The following CEP89 variants were observed in gnomAD, a reference collection of about 807,000 sequenced individuals.
CEP89 encodes centrosomal protein 89.
A neutral mutation model predicts 97.6 loss-of-function variants in CEP89; 95 were observed. The ratio of observed to expected loss-of-function variants is 0.97; its 90% CI spans 0.82 to 1.15. The LOEUF is 1.15. CEP89 is among the 50% of genes most tolerant of loss of function. The probability of loss-of-function intolerance (pLI) is 0.00; values close to 1 mark genes in which losing one functional copy is unlikely to be tolerated. For missense variants in CEP89, 869 were observed against 947.7 expected, an observed-to-expected ratio of 0.92 and a Z score of 1.09; for synonymous variants, 354 against 349.1, an observed-to-expected ratio of 1.01 and a Z score of -0.16.
chr19:32,937,525 A>G (rs930250075), intron 7 of CEP89, 106 bp downstream of exon 7: 8 of 960,688 alleles, frequency 8.3e-6, no homozygotes, highest in Non-Finnish European at 1.3e-5. Flanking sequence ...AAGTTCAACA[A>G]CTAATACAAG....
Position 32,936,175 on chromosome 19 carries a change from G to C in CEP89, c.667+1456C>G, listed in dbSNP as rs931256246. ...CTCCCTGCTCCTGGTGCCTGCTCCA[G>C]TCTTGCAGCAGGGTTGGAGCGGGGT... On this transcript the variant is annotated intron_variant, in intron 7 of 18. Transcript: ENST00000305768. The surrounding 1 kb of genome is among the most constrained non-coding windows in gnomAD (Gnocchi z 4.5). Among the ~76,000 whole-genome samples, 2 of 152,192 alleles carry C rather than the reference G, an allele frequency of 1.3e-5. No individual in the cohort carries two copies. Among genetic ancestry groups the C allele is most frequent in the Admixed American group, 1.3e-4 (2 of 15,284 alleles).
intron 2 of CEP89, among the ~76,000 whole-genome samples, chr19:32,963,081 C>T (rs1238319338): frequency 2.6e-5 from 4 of 152,052 alleles, no homozygotes; most frequent in East Asian, 3.9e-4. Context: ...TAAGACCAGG[C>T]GCGGTAGCTC....
chr19:32,917,544 C>T (rs1010586660), intron 13 of CEP89, among the ~76,000 whole-genome samples: 3 of 152,202 alleles, frequency 2.0e-5, no homozygotes, highest in African/African-American at 7.2e-5. Context: ...TGTGTTTCAG[C>T]TTCCCAGCCT....
At chr19:32,971,323 CG>C (rs1269363805) in intron 1 of CEP89, 1 of 417,596 alleles carries the variant, frequency 2.4e-6, no homozygotes, top group East Asian at 3.4e-5. Context: ...ACTCCGGGCA[CG>C]GGGACGAATG....
At chr19:32,930,707 C>T (rs1012340888) in intron 9 of CEP89, among the ~76,000 whole-genome samples, 2 of 152,226 alleles carry the variant, frequency 1.3e-5, no homozygotes, top group Admixed American at 6.5e-5. Flanking sequence ...GCACTCCTCC[C>T]GGCATCTCAT....
At chr19:32,911,983 T>A (rs7250988) in intron 14 of CEP89, among the ~76,000 whole-genome samples, 46,964 of 151,934 alleles carry the variant, frequency 0.31, 7,660 homozygotes, top group Admixed American at 0.41. Context: ...TCCCAGCACT[T>A]TGGGAGGCCT....
rs887446186 is a variant in CEP89, at chr19:32,953,874, T to C, written c.306-73A>G. On this transcript the variant is annotated intron_variant, in intron 3 of 18. Coordinates refer to ENST00000305768, the MANE Select transcript of CEP89 (RefSeq NM_032816.5). Reference sequence around the variant, plus strand: ...CTTGACACTGATAAATATCTTTTTTTTTTTTTTTTTTTGAGGTAGAGTCTT... The same window carrying C: ...CTTGACACTGATAAATATCTTTTTTCTTTTTTTTTTTTGAGGTAGAGTCTT... 9.0e-6 allele frequency: 10 copies of C among 1,115,510 alleles called. No individual in the cohort carries two copies. In the Admixed American group the frequency reaches 2.3e-4, roughly 25 times the overall value. 69.1% of individuals were successfully genotyped at this position (1,115,510 alleles called of 1,614,324 possible). A position where few individuals can be genotyped will look rare whatever the true frequency, so the allele number is the denominator to read the frequency against.
At chr19:32,930,425 A>C (rs1970447367) in intron 9 of CEP89, among the ~76,000 whole-genome samples, 1 of 152,162 alleles carries the variant, frequency 6.6e-6, no homozygotes, top group Non-Finnish European at 1.5e-5. Context: ...GTACACTTTT[A>C]AAATGGGTAT....
intron 14 of CEP89, among the ~76,000 whole-genome samples, chr19:32,911,560 G>A (rs1416799517): frequency 2.3e-4 from 35 of 152,234 alleles, no homozygotes; most frequent in Non-Finnish European, 4.4e-5. Flanking sequence ...GGCTGAAGCG[G>A]AGGATAGCTT....
At chr19:32,937,110 C>A in intron 7 of CEP89, 1 of 153,902 alleles carries the variant, frequency 6.5e-6, no homozygotes. Flanking sequence ...GATCTTGTAA[C>A]AATGTGGGAC....
At chr19:32,895,561 T>C (rs1220759000) in intron 16 of CEP89, among the ~76,000 whole-genome samples, 1 of 152,062 alleles carries the variant, frequency 6.6e-6, no homozygotes, top group Admixed American at 6.6e-5. Context: ...CTGAAACTAG[T>C]TAAGGATGAC....
At chr19:32,900,400 C>T (rs909228694) in intron 15 of CEP89, among the ~76,000 whole-genome samples, 1 of 151,820 alleles carries the variant, frequency 6.6e-6, no homozygotes, top group Non-Finnish European at 1.5e-5. Context: ...CATGCGCCAC[C>T]ACACGCAGCT....
chr19:32,899,805 A>C, intron 16 of CEP89, 52 bp downstream of exon 16: 1 of 1,529,308 alleles, frequency 6.5e-7, no homozygotes, highest in African/African-American at 1.4e-5. Context: ...TCTTAAAATC[A>C]CATTTGCATA....
At chr19:32,892,202 C>CAT (rs71336973) in intron 16 of CEP89, among the ~76,000 whole-genome samples, 4,183 of 114,214 alleles carry the variant, frequency 0.037, 147 homozygotes, top group East Asian at 0.095. Flanking sequence ...TATATTTAGA[C>CAT]ATATATATAT....
chr19:32,946,762 G>T (rs895164743), intron 5 of CEP89, among the ~76,000 whole-genome samples: 3 of 152,054 alleles, frequency 2.0e-5, no homozygotes, highest in African/African-American at 4.8e-5. Flanking sequence ...ATTCTCTCTT[G>T]TCTGCTTCCA....
intron 17 of CEP89, among the ~76,000 whole-genome samples, chr19:32,884,144 A>G (rs1969344709): frequency 6.6e-6 from 1 of 152,056 alleles, no homozygotes; most frequent in Non-Finnish European, 1.5e-5. Context: ...CTCATACTAT[A>G]TATTATTAAC....
intron 4 of CEP89, among the ~76,000 whole-genome samples, chr19:32,951,532 TATAC>T (rs1370768797): frequency 0.041 from 4,639 of 112,090 alleles, 173 homozygotes; most frequent in African/African-American, 0.13. Flanking sequence ...TATATATATA[TATAC>T]ACACACACAC....
chr19:32,917,095 TA>T (rs1345517163), intron 13 of CEP89, among the ~76,000 whole-genome samples: 19 of 152,164 alleles, frequency 1.2e-4, no homozygotes, highest in African/African-American at 4.3e-4. Context: ...CACTGAATCA[TA>T]GAGGTCAAAA....
At chr19:32,915,221 G>T in intron 14 of CEP89, 116 bp downstream of exon 14, 1 of 924,122 alleles carries the variant, frequency 1.1e-6, no homozygotes, top group Non-Finnish European at 1.6e-6. Flanking sequence ...AACTTTGAGA[G>T]GCTGGGATGG....
Sources: gnomAD v4.1 joint callset for allele counts (sites outside exome capture counted in the v4.1 genomes callset) on GRCh38, gnomAD v4.1.1 for gene constraint, Gnocchi (gnomAD v3.1) non-coding constraint, MANE v1.5 for transcripts, NCBI Gene and HGNC (gene_info 2026-07-23, HGNC 2026-07-21) for gene names.